SLC2A13: variants seen among roughly 807,000 people sequenced by gnomAD.
SLC2A13 encodes proton myo-inositol cotransporter.
Under a neutral mutation model 64.4 loss-of-function variants are expected in SLC2A13, and 32 were observed. The observed-to-expected ratio is 0.50, with a 90% confidence interval of 0.37 to 0.67. SLC2A13 has a LOEUF of 0.67. Among genes scored for constraint, SLC2A13 ranks in the 30% least tolerant of loss-of-function variants. The pLI, the probability that SLC2A13 is intolerant of heterozygous loss-of-function variation, is 0.00. For synonymous variants in SLC2A13, 338 were observed against 327.1 expected (o/e 1.03, Z -0.36); for missense variants, 743 against 829.2 (o/e 0.90, Z 1.28).
In SLC2A13 at chr12:39,895,760, GTA is replaced by G. The variant is rs1491276378; in HGVS notation, c.1035-23801_1035-23800del. On this transcript the variant is annotated intron_variant, in intron 4 of 9. Coordinates refer to ENST00000280871, the MANE Select transcript of SLC2A13 (RefSeq NM_052885.4). The stretch of plus-strand genomic sequence containing the variant: ...TACACACATGTATATGCGTGTATAC[GTA>G]CACACATGTATATGCGTGTATACGT... Among the ~76,000 whole-genome samples the G allele has an allele frequency of 9.0e-3, 325 of 36,090 alleles. 68 individuals are homozygous for G. The highest frequency in any genetic ancestry group is 0.026 in the African/African-American group (295 of 11,412). The allele number at this position is 36,090 out of a possible 152,430, so 23.7% of individuals were successfully genotyped here.
intron 7 of SLC2A13, among the ~76,000 whole-genome samples, chr12:39,779,864 A>C (rs765679194): frequency 1.8e-4 from 27 of 152,276 alleles, no homozygotes; most frequent in Non-Finnish European, 3.8e-4. Context: ...GTGCCTGCAC[A>C]GTATCTCTGG....
chr12:39,896,781 T>C (rs1208348174), intron 4 of SLC2A13, among the ~76,000 whole-genome samples: 1 of 152,092 alleles, frequency 6.6e-6, no homozygotes, highest in Non-Finnish European at 1.5e-5. Context: ...CAAAAGGTTA[T>C]AAAAGTTGCA....
intron 4 of SLC2A13, among the ~76,000 whole-genome samples, chr12:39,935,106 A>G (rs749058024): frequency 5.3e-5 from 8 of 152,200 alleles, no homozygotes; most frequent in Non-Finnish European, 8.8e-5. Context: ...AATTAAATTT[A>G]TGGCTGGGAC....
At chr12:40,089,489 T>G (rs1938691045) in intron 1 of SLC2A13, among the ~76,000 whole-genome samples, 1 of 152,200 alleles carries the variant, frequency 6.6e-6, no homozygotes. Flanking sequence ...ATTTCTCAAT[T>G]GTAATCAATA....
At chr12:39,999,024 A>G (rs1473133565) in intron 3 of SLC2A13, among the ~76,000 whole-genome samples, 1 of 152,196 alleles carries the variant, frequency 6.6e-6, no homozygotes, top group East Asian at 1.9e-4. Context: ...GCAGAGGAAC[A>G]TAAATTGTGA....
intron 3 of SLC2A13, among the ~76,000 whole-genome samples, chr12:39,990,018 C>G (rs558574601): frequency 6.6e-6 from 1 of 152,254 alleles, no homozygotes; most frequent in Admixed American, 6.5e-5. Context: ...GACTATAGCT[C>G]TAATTTTTAA....
chr12:39,782,118 A>G (rs943973498), intron 7 of SLC2A13, among the ~76,000 whole-genome samples: 2 of 152,146 alleles, frequency 1.3e-5, no homozygotes, highest in Admixed American at 6.5e-5. Flanking sequence ...TAAAGACAAA[A>G]ATCTTAGGGG....
chr12:39,987,215 G>C (rs1014618020), intron 3 of SLC2A13, among the ~76,000 whole-genome samples: 1 of 152,038 alleles, frequency 6.6e-6, no homozygotes, highest in Non-Finnish European at 1.5e-5. Flanking sequence ...AACAAGATGT[G>C]GTCTCTGCCC....
intron 7 of SLC2A13, among the ~76,000 whole-genome samples, chr12:39,784,261 T>A (rs558312011): frequency 6.6e-6 from 1 of 152,122 alleles, no homozygotes; most frequent in Non-Finnish European, 1.5e-5. Context: ...GAGCCCGCAT[T>A]GCCAAGTCAA....
intron 4 of SLC2A13, among the ~76,000 whole-genome samples, chr12:39,916,746 T>G (rs183115278): frequency 1.3e-5 from 2 of 152,254 alleles, no homozygotes; most frequent in Admixed American, 6.5e-5. Context: ...GAAGTCCTTG[T>G]GTTTAAGTAA....
chr12:40,092,734 T>C (rs1343257784), intron 1 of SLC2A13, among the ~76,000 whole-genome samples: 1 of 152,208 alleles, frequency 6.6e-6, no homozygotes, highest in African/African-American at 2.4e-5. Context: ...CGTATCTCCA[T>C]TCTCCAGGAG....
chr12:39,870,227 A>G (rs1425231978), intron 5 of SLC2A13, among the ~76,000 whole-genome samples: 1 of 152,192 alleles, frequency 6.6e-6, no homozygotes, highest in Non-Finnish European at 1.5e-5. Flanking sequence ...GTAGCAATAT[A>G]CTGGAGTTCT....
intron 1 of SLC2A13, among the ~76,000 whole-genome samples, chr12:40,092,715 T>G (rs1199267359): frequency 6.6e-6 from 1 of 152,170 alleles, no homozygotes; most frequent in Non-Finnish European, 1.5e-5. Context: ...AAGAGGAGAT[T>G]TCAACTTCCG....
intron 1 of SLC2A13, among the ~76,000 whole-genome samples, chr12:40,083,454 CA>C (rs1938481251): frequency 6.6e-6 from 1 of 152,212 alleles, no homozygotes; most frequent in South Asian, 2.1e-4. Context: ...TTCCCTCCCA[CA>C]CTCTCTAGAC....
intron 7 of SLC2A13, among the ~76,000 whole-genome samples, chr12:39,774,231 G>T: frequency 6.6e-6 from 1 of 152,102 alleles, no homozygotes; most frequent in East Asian, 1.9e-4. Context: ...GAGAACTAAA[G>T]AAGCAAAATC....
intron 1 of SLC2A13, among the ~76,000 whole-genome samples, chr12:40,059,036 G>A (rs1948377073): frequency 6.6e-6 from 1 of 152,156 alleles, no homozygotes; most frequent in Non-Finnish European, 1.5e-5. Flanking sequence ...GTACAAATTA[G>A]CTGGCATGAA....
intron 3 of SLC2A13, among the ~76,000 whole-genome samples, chr12:39,985,228 T>C (rs547506617): frequency 6.6e-6 from 1 of 152,288 alleles, no homozygotes; most frequent in African/African-American, 2.4e-5. Flanking sequence ...CTCTGTTTTC[T>C]ACTCCTCCTG....
At chr12:39,832,459 G>T (rs953183360) in intron 6 of SLC2A13, among the ~76,000 whole-genome samples, 2 of 152,072 alleles carry the variant, frequency 1.3e-5, no homozygotes, top group Admixed American at 6.6e-5. Context: ...TAATTACTGA[G>T]AACTTATTGT....
At chr12:40,022,896 A>C (rs576608089) in intron 3 of SLC2A13, among the ~76,000 whole-genome samples, 245 of 151,770 alleles carry the variant, frequency 1.6e-3, no homozygotes, top group Non-Finnish European at 2.1e-3. Context: ...CTCCCCCCCC[A>C]AAAAAAGCCA....
Sources: allele counts gnomAD v4.1 joint callset (sites outside exome capture counted in the v4.1 genomes callset), GRCh38; gene constraint gnomAD v4.1.1; transcripts MANE v1.5; gene names NCBI Gene and HGNC (gene_info 2026-07-23, HGNC 2026-07-21).